The following GALNT13 variants were observed in gnomAD, a reference collection of about 807,000 sequenced individuals.
The protein encoded by GALNT13 is UDP-GalNAc:polypeptide N-acetylgalactosaminyltransferase 13.
Under a neutral mutation model 64.2 loss-of-function variants are expected in GALNT13, and 28 were observed. The observed-to-expected ratio is 0.44, with a 90% CI of 0.32 to 0.60. GALNT13 has a LOEUF of 0.60. GALNT13 is among the 20% of genes least tolerant of loss of function. GALNT13 has a pLI of 0.05. For missense variants in GALNT13, 577 were observed against 669.8 expected (o/e 0.86, Z 1.53); for synonymous variants, 214 against 224.6 (o/e 0.95, Z 0.42).
chr2:153,965,759 T>C (rs1237785128), intron 3 of GALNT13, among the ~76,000 whole-genome samples: 1 of 150,898 alleles, frequency 6.6e-6, no homozygotes, highest in East Asian at 1.9e-4. Context: ...TTTAAAGCAA[T>C]GACAACTTTT....
chr2:153,711,267 A>G, the GALNT13 span, among the ~76,000 whole-genome samples: 2 of 152,156 alleles, frequency 1.3e-5, no homozygotes, highest in Admixed American at 1.3e-4. Flanking sequence ...CATAGTATAT[A>G]TGGGCTTACA....
At chr2:154,307,795 T>A (rs1693822022) in intron 9 of GALNT13, among the ~76,000 whole-genome samples, 1 of 152,172 alleles carries the variant, frequency 6.6e-6, no homozygotes, top group South Asian at 2.1e-4. Flanking sequence ...TAGCAAATCC[T>A]TTGAAGTGAA....
At chr2:153,246,087 A>T in the GALNT13 span, among the ~76,000 whole-genome samples, 1 of 150,396 alleles carries the variant, frequency 6.6e-6, no homozygotes, top group Admixed American at 6.6e-5. Context: ...AAGTGTGAAG[A>T]CAAGATTGGA....
At chr2:153,543,693 A>T in the GALNT13 span, among the ~76,000 whole-genome samples, 11 of 151,932 alleles carry the variant, frequency 7.2e-5, no homozygotes, top group African/African-American at 2.2e-4. Flanking sequence ...TCTTCTGGGA[A>T]AACAAAATTG....
At chr2:154,097,055 A>T (rs1702110437) in intron 3 of GALNT13, among the ~76,000 whole-genome samples, 1 of 152,060 alleles carries the variant, frequency 6.6e-6, no homozygotes, top group African/African-American at 2.4e-5. Context: ...AAAAGACATA[A>T]CATCACATTC....
intron 3 of GALNT13, among the ~76,000 whole-genome samples, chr2:153,945,575 CATTT>C (rs1691673398): frequency 6.6e-6 from 1 of 152,018 alleles, no homozygotes. Flanking sequence ...TTGAGATTTA[CATTT>C]ATTTAATGAA....
At chr2:154,186,005 G>A (rs992371601) in intron 4 of GALNT13, among the ~76,000 whole-genome samples, 1 of 151,760 alleles carries the variant, frequency 6.6e-6, no homozygotes, top group Non-Finnish European at 1.5e-5. Flanking sequence ...TACACTAGTT[G>A]GTAGTTTTAT....
At chr2:153,980,290 G>A (rs10931864) in intron 3 of GALNT13, among the ~76,000 whole-genome samples, 80,152 of 151,926 alleles carry the variant, frequency 0.53, 22,952 homozygotes, top group Non-Finnish European at 0.66. Context: ...TTAAACACTA[G>A]GGTCAGATAT....
the GALNT13 span, among the ~76,000 whole-genome samples, chr2:153,542,508 G>A: frequency 6.6e-6 from 1 of 152,114 alleles, no homozygotes; most frequent in African/African-American, 2.4e-5. Flanking sequence ...ATCAGTAGAT[G>A]GAAAATTATG....
At chr2:154,423,036 A>G (rs147285860) in intron 11 of GALNT13, among the ~76,000 whole-genome samples, 4,957 of 150,864 alleles carry the variant, frequency 0.033, 133 homozygotes, top group Middle Eastern at 0.054. Flanking sequence ...TACATTAGGT[A>G]TTTCTCCTAA....
At chr2:153,972,601 A>ACAG (rs1693814343) in intron 3 of GALNT13, among the ~76,000 whole-genome samples, 1 of 152,064 alleles carries the variant, frequency 6.6e-6, no homozygotes, top group South Asian at 2.1e-4. Context: ...CAAAAATGCT[A>ACAG]CAGATGAATT....
the GALNT13 span, among the ~76,000 whole-genome samples, chr2:153,801,314 T>A: frequency 2.6e-5 from 4 of 152,138 alleles, no homozygotes; most frequent in Non-Finnish European, 5.9e-5. Flanking sequence ...TTTTGGCCTA[T>A]CTTGCTTTTG....
chr2:154,289,175 A>G (rs1023023079), intron 8 of GALNT13, among the ~76,000 whole-genome samples: 2 of 152,160 alleles, frequency 1.3e-5, no homozygotes, highest in African/African-American at 4.8e-5. Context: ...GCACCCTCTA[A>G]AGCAACAGTC....
chr2:153,887,497 G>A (rs1177273383), intron 1 of GALNT13, among the ~76,000 whole-genome samples: 1 of 151,630 alleles, frequency 6.6e-6, no homozygotes, highest in Non-Finnish European at 1.5e-5. Context: ...CAGTAAAACT[G>A]TGTTAGTGAA....
chr2:154,005,332 G>A (rs542307332), intron 3 of GALNT13, among the ~76,000 whole-genome samples: 6 of 152,088 alleles, frequency 3.9e-5, no homozygotes, highest in East Asian at 1.9e-4. Flanking sequence ...TATTTGTTGC[G>A]AATTTTATTT....
the GALNT13 span, among the ~76,000 whole-genome samples, chr2:153,437,423 G>A: frequency 6.6e-6 from 1 of 152,118 alleles, no homozygotes; most frequent in African/African-American, 2.4e-5. Context: ...GTTGACAGTG[G>A]GGTGTTAAAG....
the GALNT13 span, among the ~76,000 whole-genome samples, chr2:153,543,951 G>A: frequency 6.6e-6 from 1 of 152,130 alleles, no homozygotes; most frequent in African/African-American, 2.4e-5. Context: ...CTTTTTATGT[G>A]CCGTTTATAA....
intron 3 of GALNT13, among the ~76,000 whole-genome samples, chr2:154,033,509 A>C (rs531251246): frequency 6.6e-6 from 1 of 152,296 alleles, no homozygotes; most frequent in Admixed American, 6.5e-5. Context: ...ATAAAAAATT[A>C]ACAGGTACTT....
intron 4 of GALNT13, among the ~76,000 whole-genome samples, chr2:154,162,974 ATTT>A (rs199932056): frequency 7.1e-6 from 1 of 140,748 alleles, no homozygotes; most frequent in African/African-American, 2.6e-5. Context: ...TTATTTTTCT[ATTT>A]TTTTTTTTAT....
Sources: gnomAD v4.1 joint callset for allele counts (sites outside exome capture counted in the v4.1 genomes callset) on GRCh38, gnomAD v4.1.1 for gene constraint, MANE v1.5 for transcripts, NCBI Gene and HGNC (gene_info 2026-07-23, HGNC 2026-07-21) for gene names.